Variants in LRP1B observed in about 807,000 individuals in gnomAD.
LRP1B encodes low-density lipoprotein receptor-related protein 1B.
In LRP1B, 217 loss-of-function variants were observed where a neutral mutation model predicts 556.6. The ratio of observed to expected loss-of-function variants is 0.39; its 90% CI spans 0.35 to 0.44. LRP1B has a LOEUF of 0.44. Among genes scored for constraint, LRP1B ranks in the 20% least tolerant of loss-of-function variants. The probability of loss-of-function intolerance (pLI) is 1.00; values close to 1 mark genes in which losing one functional copy is unlikely to be tolerated. For synonymous variants in LRP1B, 2,047 were observed against 1,865.8 expected, an observed-to-expected ratio of 1.10 and a Z score of -2.50; for missense variants, 5,053 against 5,620.8, an observed-to-expected ratio of 0.90 and a Z score of 3.23.
chr2:141,188,597 AC>A lies in LRP1B; in HGVS notation c.851-15del. 6.2e-7 allele frequency: 1 copy of A among 1,609,434 alleles called. No homozygotes were observed. Among genetic ancestry groups the A allele is most frequent in the Non-Finnish European group, 8.5e-7 (1 of 1,177,208 alleles). ...TTTGTTGCACATCTGAAAAACACAT[AC>A]ACAAAATCATTGAATCACAGGTGCA... On this transcript the variant is annotated splice_polypyrimidine_tract_variant and intron_variant, in intron 6 of 90. Coordinates refer to ENST00000389484, the MANE Select transcript of LRP1B (RefSeq NM_018557.3).
At chr2:140,745,243 A>T (rs1344826330) in intron 35 of LRP1B, among the ~76,000 whole-genome samples, 1 of 152,162 alleles carries the variant, frequency 6.6e-6, no homozygotes, top group African/African-American at 2.4e-5. Context: ...AGAGAAGAGT[A>T]TGTAGAGATT....
intron 1 of LRP1B, among the ~76,000 whole-genome samples, chr2:142,058,583 T>A (rs1278464999): frequency 6.6e-6 from 1 of 152,104 alleles, no homozygotes; most frequent in Non-Finnish European, 1.5e-5. Context: ...CTATCGTTAG[T>A]GTGAATGTAT....
At chr2:141,982,149 T>A (rs1702061674) in intron 1 of LRP1B, among the ~76,000 whole-genome samples, 1 of 152,144 alleles carries the variant, frequency 6.6e-6, no homozygotes. Flanking sequence ...ATGCCTGTAG[T>A]GTAGATTATA....
At chr2:140,440,803 A>G (rs1428498927) in intron 66 of LRP1B, among the ~76,000 whole-genome samples, 3 of 150,620 alleles carry the variant, frequency 2.0e-5, no homozygotes, top group Non-Finnish European at 4.4e-5. Flanking sequence ...AGTGGCTGGG[A>G]GAATCCTATA....
At chr2:141,029,042 T>TA (rs1201318928) in intron 11 of LRP1B, among the ~76,000 whole-genome samples, 2 of 152,004 alleles carry the variant, frequency 1.3e-5, no homozygotes, top group African/African-American at 4.8e-5. Context: ...GTCTAGGACT[T>TA]ACAGAAGAGA....
intron 7 of LRP1B, among the ~76,000 whole-genome samples, chr2:141,085,566 G>T (rs775123143): frequency 8.9e-4 from 135 of 152,208 alleles, no homozygotes; most frequent in African/African-American, 3.1e-3. Flanking sequence ...GAAAGAGAGA[G>T]GCCTCAAGAA....
intron 1 of LRP1B, among the ~76,000 whole-genome samples, chr2:141,901,638 G>T (rs938512329): frequency 2.6e-5 from 4 of 151,730 alleles, no homozygotes; most frequent in East Asian, 1.9e-4. Context: ...AACACTTCAA[G>T]ATTTTTGCCA....
intron 53 of LRP1B, 127 bp downstream of exon 53, chr2:140,506,669 C>T (rs1689428223): frequency 1.1e-6 from 1 of 877,088 alleles, no homozygotes; most frequent in Non-Finnish European, 1.8e-6. Flanking sequence ...TTGTGTATTA[C>T]TGAATTCACT....
intron 3 of LRP1B, among the ~76,000 whole-genome samples, chr2:141,450,004 C>T (rs898099127): frequency 6.6e-6 from 1 of 152,096 alleles, no homozygotes; most frequent in Non-Finnish European, 1.5e-5. Context: ...AAAGTCACTC[C>T]CAGTTGAGAA....
Position 140,525,659 on chromosome 2 carries a change from G to T in LRP1B, c.8026+185C>A, listed in dbSNP as rs1690399819. Among the ~76,000 whole-genome samples the T allele has an allele frequency of 2.0e-5, 3 of 151,916 alleles. No homozygotes were observed. The South Asian group carries it at 6.2e-4, about 31-fold the overall frequency. On this transcript the variant is annotated intron_variant, in intron 49 of 90. Transcript: ENST00000389484. ...AGGATGGTTTCTTGAATATCATTTT[G>T]TAACTCACTTAAAAAGATCAAGCGG...
chr2:140,336,651 C>A (rs1285330383), intron 77 of LRP1B, among the ~76,000 whole-genome samples: 2 of 151,916 alleles, frequency 1.3e-5, no homozygotes, highest in Non-Finnish European at 2.9e-5. Flanking sequence ...TATATCTTAA[C>A]ATCTTTTGAG....
intron 1 of LRP1B, among the ~76,000 whole-genome samples, chr2:142,050,286 CAAAAT>C (rs910412171): frequency 5.3e-4 from 81 of 151,992 alleles, no homozygotes; most frequent in Admixed American, 2.0e-4. Context: ...TTTCAAGTAA[CAAAAT>C]AAATCTTAAA....
intron 2 of LRP1B, among the ~76,000 whole-genome samples, chr2:141,746,976 G>A (rs1388898986): frequency 2.7e-5 from 2 of 75,132 alleles, no homozygotes; most frequent in Non-Finnish European, 5.5e-5. Context: ...ATTTTGATGA[G>A]CGTCCTTCAT....
intron 3 of LRP1B, among the ~76,000 whole-genome samples, chr2:141,476,860 A>G (rs1427628778): frequency 1.3e-5 from 2 of 152,208 alleles, no homozygotes; most frequent in Non-Finnish European, 2.9e-5. Flanking sequence ...ACGGTGGCTC[A>G]CACCTGTAAT....
chr2:140,353,762 T>C (rs902659762), intron 75 of LRP1B, among the ~76,000 whole-genome samples: 8 of 152,194 alleles, frequency 5.3e-5, no homozygotes, highest in Middle Eastern at 3.4e-3. Flanking sequence ...CTTGAGGACA[T>C]AAATTATGAT....
intron 1 of LRP1B, among the ~76,000 whole-genome samples, chr2:141,836,746 T>C: frequency 6.6e-6 from 1 of 152,004 alleles, no homozygotes; most frequent in East Asian, 1.9e-4. Flanking sequence ...AAGATCAAAA[T>C]ACATCTTGTT....
intron 7 of LRP1B, among the ~76,000 whole-genome samples, chr2:141,070,019 G>T (rs1020253749): frequency 7.4e-6 from 1 of 135,952 alleles, no homozygotes; most frequent in African/African-American, 2.8e-5. Flanking sequence ...TGTTCGCATT[G>T]TTCAATTCCC....
At chr2:141,948,642 TTAA>T (rs2105029232) in intron 1 of LRP1B, among the ~76,000 whole-genome samples, 1 of 152,128 alleles carries the variant, frequency 6.6e-6, no homozygotes, top group East Asian at 1.9e-4. Flanking sequence ...AGCCAATTAA[TTAA>T]TGATAGTGTT....
chr2:142,130,866 A>C lies in LRP1B; in HGVS notation c.-137T>G, dbSNP rs1275937404. The C allele has an allele frequency of 1.4e-6, 1 of 728,404 alleles. No homozygotes were observed. The highest frequency in any genetic ancestry group is 1.5e-5 in the South Asian group (1 of 67,682). The allele number at this position is 728,404 out of a possible 1,614,324, so 45.1% of individuals were successfully genotyped here. A position where few individuals can be genotyped will look rare whatever the true frequency, so the allele number is the denominator to read the frequency against. On this transcript the variant is annotated 5_prime_UTR_variant, in exon 1 of 91. Transcript: ENST00000389484. Reference sequence around the variant, plus strand: ...TTACAAATGTCACTGGAAATTCTTCAGCTCAATGAGTCCAGCCAGTCAGCC... The same window carrying C: ...TTACAAATGTCACTGGAAATTCTTCCGCTCAATGAGTCCAGCCAGTCAGCC...
Sources: allele counts gnomAD v4.1 joint callset (sites outside exome capture counted in the v4.1 genomes callset), GRCh38; gene constraint gnomAD v4.1.1; transcripts MANE v1.5; gene names NCBI Gene and HGNC (gene_info 2026-07-23, HGNC 2026-07-21).